Variants in LARP1 observed in about 807,000 individuals in gnomAD.
The protein encoded by LARP1 is La ribonucleoprotein 1, translational regulator, also known as la-related protein 1.
A neutral mutation model predicts 122.7 loss-of-function variants in LARP1; 36 were observed. The observed-to-expected ratio is 0.29, with a 90% CI of 0.22 to 0.39. LARP1 has a LOEUF of 0.39. LARP1 is among the 10% of genes least tolerant of loss of function. The probability of loss-of-function intolerance (pLI) is 1.00; values close to 1 mark genes in which losing one functional copy is unlikely to be tolerated. For synonymous variants in LARP1, 539 were observed against 528.7 expected, an observed-to-expected ratio of 1.02 and a Z score of -0.27; for missense variants, 1,040 against 1,403.6, an observed-to-expected ratio of 0.74 and a Z score of 4.14.
chr5:154,799,170 T>A (rs1159653955), intron 8 of LARP1, among the ~76,000 whole-genome samples: 2 of 152,228 alleles, frequency 1.3e-5, no homozygotes, highest in Non-Finnish European at 2.9e-5. Context: ...CCTGTAAAGT[T>A]TTTTAATGTC....
intron 1 of LARP1, among the ~76,000 whole-genome samples, chr5:154,725,288 G>T (rs968724444): frequency 4.7e-4 from 71 of 151,874 alleles, no homozygotes; most frequent in African/African-American, 1.6e-3. Context: ...TACCTGGGAG[G>T]CTGAGGCAGA....
At chr5:154,720,160 C>A (rs1755772618) in intron 1 of LARP1, among the ~76,000 whole-genome samples, 2 of 152,158 alleles carry the variant, frequency 1.3e-5, no homozygotes, top group Admixed American at 6.5e-5. Context: ...CACTGCATTC[C>A]AGCCTGGGCA....
chr5:154,714,448 T>A (rs1459604248), intron 1 of LARP1, among the ~76,000 whole-genome samples: 10 of 152,180 alleles, frequency 6.6e-5, no homozygotes, highest in Admixed American at 6.5e-4. Flanking sequence ...GTCATGGTAT[T>A]TTCTAACGAC....
At chr5:154,744,663 A>T (rs1753087884) in intron 1 of LARP1, among the ~76,000 whole-genome samples, 1 of 65,048 alleles carries the variant, frequency 1.5e-5, no homozygotes, top group Non-Finnish European at 2.4e-5. Context: ...TTTGAGACGG[A>T]GTCTCGCTCT....
intron 1 of LARP1, among the ~76,000 whole-genome samples, chr5:154,700,037 C>T (rs1164901373): frequency 6.6e-6 from 1 of 152,132 alleles, no homozygotes; most frequent in African/African-American, 2.4e-5. Context: ...GGTGGCTTTT[C>T]CTCTCTGCCT....
At chr5:154,764,195 A>C (rs56226335) in intron 1 of LARP1, among the ~76,000 whole-genome samples, 66,817 of 151,382 alleles carry the variant, frequency 0.44, 16,264 homozygotes, top group Middle Eastern at 0.58. Context: ...TGTAATCCCC[A>C]GCTACTCGGG....
At chr5:154,771,120 A>G (rs1327758640) in intron 1 of LARP1, among the ~76,000 whole-genome samples, 3 of 151,756 alleles carry the variant, frequency 2.0e-5, no homozygotes, top group Non-Finnish European at 4.4e-5. Context: ...TCAAAAGAAA[A>G]AAAAAAAAAA....
At chr5:154,685,225 C>CAG (rs1388818444) in intron 1 of LARP1, among the ~76,000 whole-genome samples, 1 of 149,798 alleles carries the variant, frequency 6.7e-6, no homozygotes, top group Non-Finnish European at 1.5e-5. Context: ...GCCTGGGTGA[C>CAG]AGAGTGAGAC....
At chr5:154,800,103 G>A (rs949662915) in intron 10 of LARP1, 61 bp downstream of exon 10, 4 of 1,481,982 alleles carry the variant, frequency 2.7e-6, no homozygotes, top group Non-Finnish European at 3.7e-6. Flanking sequence ...GCTTGAAGGG[G>A]ATAACACATG....
intron 14 of LARP1, 85 bp from the exon 15 acceptor site, chr5:154,805,796 G>T (rs1324006130): frequency 6.9e-7 from 1 of 1,440,772 alleles, no homozygotes; most frequent in East Asian, 2.3e-5. Flanking sequence ...GATCTTGGCT[G>T]ACAGAACGGA....
chr5:154,764,296 C>T (rs1029080861), intron 1 of LARP1, among the ~76,000 whole-genome samples: 3 of 141,590 alleles, frequency 2.1e-5, no homozygotes, highest in African/African-American at 8.1e-5. Context: ...GGTGACAGAG[C>T]AAGACTTCAT....
chr5:154,810,605 A>G (rs1242390465), intron 16 of LARP1, among the ~76,000 whole-genome samples: 2 of 151,874 alleles, frequency 1.3e-5, no homozygotes, highest in African/African-American at 4.8e-5. Context: ...CTTCTGCCTC[A>G]GCCTCCCGAG....
chr5:154,719,842 A>G (rs1013024406), intron 1 of LARP1, among the ~76,000 whole-genome samples: 10 of 147,978 alleles, frequency 6.8e-5, no homozygotes, highest in Non-Finnish European at 1.2e-4. Context: ...AGCCTGGGTG[A>G]CAAAGTGAGA....
intron 10 of LARP1, among the ~76,000 whole-genome samples, chr5:154,801,266 C>T (rs1758332100): frequency 6.6e-6 from 1 of 152,216 alleles, no homozygotes; most frequent in African/African-American, 2.4e-5. Context: ...TAGTCTGTCC[C>T]TATCTTCATC....
intron 4 of LARP1, among the ~76,000 whole-genome samples, 195 bp from the exon 5 acceptor site, chr5:154,793,400 C>G (rs1296299673): frequency 2.0e-5 from 3 of 152,152 alleles, no homozygotes; most frequent in Non-Finnish European, 4.4e-5. Flanking sequence ...CGAGGAGTCT[C>G]TAACACACTG....
upstream of LARP1, among the ~76,000 whole-genome samples, chr5:154,754,858 C>A (rs55767292): frequency 5.9e-5 from 9 of 152,052 alleles, no homozygotes; most frequent in Non-Finnish European, 5.9e-5. Context: ...GTCCTCGGGG[C>A]GGATGAGGGT....
chr5:154,811,483 A>G (rs775169292), intron 17 of LARP1, 30 bp from the exon 18 acceptor site: 1 of 1,614,138 alleles, frequency 6.2e-7, no homozygotes, highest in Non-Finnish European at 8.5e-7. Flanking sequence ...TATCCTCACC[A>G]GCTCAGCTTT....
At chr5:154,743,750 G>C (rs1358790091) in intron 1 of LARP1, among the ~76,000 whole-genome samples, 1 of 151,754 alleles carries the variant, frequency 6.6e-6, no homozygotes, top group Non-Finnish European at 1.5e-5. Context: ...CTTTCAAGTA[G>C]TTGGGATTAC....
chr5:154,691,801 C>CT (rs55818234), intron 1 of LARP1, among the ~76,000 whole-genome samples: 2,258 of 56,998 alleles, frequency 0.04, 66 homozygotes, highest in African/African-American at 0.067. Flanking sequence ...CCTTTTCGTT[C>CT]TTTTTTTTTT....
Sources: allele counts gnomAD v4.1 joint callset (sites outside exome capture counted in the v4.1 genomes callset), GRCh38; gene constraint gnomAD v4.1.1; transcripts MANE v1.5; gene names NCBI Gene and HGNC (gene_info 2026-07-23, HGNC 2026-07-21).